ARHGEF12: variants seen among roughly 807,000 people sequenced by gnomAD.
The protein encoded by ARHGEF12 is Rho guanine nucleotide exchange factor 12, also known as KMT2A/ARHGEF12 fusion protein.
ARHGEF12 carries 66 observed loss-of-function variants against 211.2 expected under a neutral mutation model. The ratio of observed to expected loss-of-function variants is 0.31; its 90% CI spans 0.26 to 0.38. ARHGEF12 has a LOEUF of 0.38. ARHGEF12 is among the 10% of genes least tolerant of loss of function. The probability of loss-of-function intolerance (pLI) is 1.00; values close to 1 mark genes in which losing one functional copy is unlikely to be tolerated. For synonymous variants in ARHGEF12, 592 were observed against 638.4 expected (o/e 0.93, Z 1.09); for missense variants, 1,429 against 1,869.5 (o/e 0.76, Z 4.34).
intron 30 of ARHGEF12, among the ~76,000 whole-genome samples, chr11:120,471,720 A>G (rs772597302): frequency 5.3e-5 from 8 of 152,208 alleles, no homozygotes; most frequent in Non-Finnish European, 8.8e-5. Context: ...GGACTGATGG[A>G]TAGAGGGATG....
chr11:120,375,002 A>G (rs1461703029), intron 1 of ARHGEF12, among the ~76,000 whole-genome samples: 4 of 152,190 alleles, frequency 2.6e-5, no homozygotes, highest in African/African-American at 7.2e-5. Context: ...AATGAACGAG[A>G]TTGGTATTTT....
At chr11:120,417,711 C>G (rs551424189) in intron 4 of ARHGEF12, among the ~76,000 whole-genome samples, 1 of 152,086 alleles carries the variant, frequency 6.6e-6, no homozygotes, top group South Asian at 2.1e-4. Context: ...TCAGGCTGGT[C>G]TCACTCCTGA....
chr11:120,474,625 T>A lies in ARHGEF12; in HGVS notation c.3099T>A (p.Asp1033Glu). 6.3e-7 allele frequency: 1 copy of A among 1,579,022 alleles called. No individual in the cohort carries two copies. Among genetic ancestry groups the A allele is most frequent in the Non-Finnish European group, 8.7e-7 (1 of 1,150,064 alleles). The change falls in exon 32 of 41, where the codon GAT (aspartate) becomes GAA (glutamate). Residue 1033 changes from aspartate to glutamate, a missense_variant. By Grantham distance (45) the Asp-to-Glu change is conservative. Coordinates refer to ENST00000397843, the MANE Select transcript of ARHGEF12 (RefSeq NM_015313.3). The part of the protein sequence containing the change: ...EGPLVWKVNR[D>E]KTIDLYTLLL... ...CATTGGTTTGGAAGGTGAATAGAGA[T>A]AAAACTATTGGTAGGTCTGATATTG... is the stretch of plus-strand genomic sequence containing the variant.
In ARHGEF12 at chr11:120,453,016, AAC is replaced by A. The variant is rs1177340968; in HGVS notation, c.2056+1294_2056+1295del. The stretch of plus-strand genomic sequence containing the variant: ...CTCCATCTCAAAAAACAAAAACAAA[AAC>A]AAAAAAAAACGACAAGATAATGGTC... On this transcript the variant is annotated intron_variant, in intron 22 of 40. Coordinates refer to ENST00000397843, the MANE Select transcript of ARHGEF12 (RefSeq NM_015313.3). Among the ~76,000 whole-genome samples, 131 of 142,310 alleles carry A rather than the reference AAC, an allele frequency of 9.2e-4. 1 individual carries two copies. The highest frequency in any genetic ancestry group is 2.4e-3 in the African/African-American group (96 of 39,308). 93.4% of individuals were successfully genotyped at this position (142,310 alleles called of 152,430 possible).
chr11:120,483,085 A>G (rs1947296755), intron 39 of ARHGEF12, among the ~76,000 whole-genome samples: 1 of 152,168 alleles, frequency 6.6e-6, no homozygotes, highest in Non-Finnish European at 1.5e-5. Context: ...TGAACTTCAC[A>G]GAGTGTACTT....
Position 120,443,346 on chromosome 11 carries a change from C to T in ARHGEF12, c.1302+1144C>T, listed in dbSNP as rs1945941647. On this transcript the variant is annotated intron_variant, in intron 15 of 40. Transcript: ENST00000397843. ...TGATTGTCCATCTTTTATCCAAGGC[C>T]AGCTCTGCTCCAGTTTACAGTGTAT... Among the ~76,000 whole-genome samples, 5 of 152,238 alleles carry T rather than the reference C, an allele frequency of 3.3e-5. No individual in the cohort carries two copies. The South Asian group carries it at 1.0e-3, about 32-fold the overall frequency.
intron 1 of ARHGEF12, among the ~76,000 whole-genome samples, chr11:120,368,314 A>G (rs1673399031): frequency 6.6e-6 from 1 of 152,102 alleles, no homozygotes; most frequent in Admixed American, 6.5e-5. Context: ...CTAATTTTTT[A>G]ATTCGTTTAT....
intron 30 of ARHGEF12, among the ~76,000 whole-genome samples, chr11:120,469,777 G>T (rs1946813323): frequency 6.6e-6 from 1 of 152,200 alleles, no homozygotes; most frequent in Admixed American, 6.5e-5. Flanking sequence ...TGTATCAGTT[G>T]TGATAGCTAC....
At chr11:120,371,009 T>C (rs938380831) in intron 1 of ARHGEF12, among the ~76,000 whole-genome samples, 1 of 152,206 alleles carries the variant, frequency 6.6e-6, no homozygotes, top group Admixed American at 6.5e-5. Context: ...AAGTCAACTT[T>C]TCTGAGCCTA....
At chr11:120,432,877 C>T (rs1945590968) in intron 11 of ARHGEF12, among the ~76,000 whole-genome samples, 1 of 152,066 alleles carries the variant, frequency 6.6e-6, no homozygotes, top group Non-Finnish European at 1.5e-5. Flanking sequence ...GACCCAGTTC[C>T]TCATGCAAAA....
In ARHGEF12 at chr11:120,428,575, G is replaced by C. The variant is rs555174430; in HGVS notation, c.585+328G>C. Among the ~76,000 whole-genome samples, 79 of 152,170 alleles carry C rather than the reference G, an allele frequency of 5.2e-4. 2 individuals carry two copies. The South Asian group carries it at 0.015, about 29-fold the overall frequency. ...TTTTGTTTATTTTGTTTACTGTTAC[G>C]TTTCCAGTACCTGAAATATTGCTTA... On this transcript the variant is annotated intron_variant, in intron 8 of 40. Coordinates refer to ENST00000397843, the MANE Select transcript of ARHGEF12 (RefSeq NM_015313.3).
chr11:120,337,774 G>A lies in ARHGEF12; in HGVS notation c.32+499G>A, dbSNP rs942155344. On this transcript the variant is annotated intron_variant, in intron 1 of 40. Coordinates refer to ENST00000397843, the MANE Select transcript of ARHGEF12 (RefSeq NM_015313.3). ...TCTTTCAGATGTTGACCTGCACGGT[G>A]TTTAATTATTATCTAATAACTTTCC... The A allele has an allele frequency of 5.1e-6, 5 of 985,282 alleles. No individual in the cohort carries two copies. The African/African-American group carries it at 8.7e-5, about 17-fold the overall frequency. 61.0% of individuals were successfully genotyped at this position (985,282 alleles called of 1,614,324 possible).
chr11:120,379,177 GTT>G (rs898036938), intron 1 of ARHGEF12, among the ~76,000 whole-genome samples: 4 of 151,958 alleles, frequency 2.6e-5, no homozygotes, highest in African/African-American at 9.7e-5. Context: ...GGTTTGTTAA[GTT>G]TATGTGTTTT....
intron 1 of ARHGEF12, among the ~76,000 whole-genome samples, chr11:120,375,890 T>TACTG (rs747683833): frequency 1.1e-4 from 17 of 152,156 alleles, no homozygotes; most frequent in Non-Finnish European, 2.5e-4. Flanking sequence ...TTCAAATGAG[T>TACTG]ACTGGTCAGG....
Position 120,337,173 on chromosome 11 carries a change from T to C in ARHGEF12, c.-71T>C. On this transcript the variant is annotated 5_prime_UTR_variant, in exon 1 of 41. Transcript: ENST00000397843. ...GGAGTTGGGCCTGATCCCAGAGCAC[T>C]GGGGGTGGGGAGGAGGTGTTACTGT... 1.3e-6 allele frequency: 2 copies of C among 1,590,768 alleles called. No homozygotes were observed. Among genetic ancestry groups the C allele is most frequent in the Non-Finnish European group, 8.6e-7 (1 of 1,158,952 alleles).
intron 4 of ARHGEF12, among the ~76,000 whole-genome samples, chr11:120,413,635 G>T (rs1944947507): frequency 6.6e-6 from 1 of 152,116 alleles, no homozygotes; most frequent in Admixed American, 6.5e-5. Context: ...CTTCTTGCTG[G>T]CAAGACTGTG....
chr11:120,479,290 A>G (rs1007843904), intron 37 of ARHGEF12, among the ~76,000 whole-genome samples: 7 of 152,208 alleles, frequency 4.6e-5, no homozygotes, highest in Non-Finnish European at 1.0e-4. Context: ...CATGACAGAC[A>G]TTAAGCTAGT....
At chr11:120,481,820 C>T (rs1309754344) in intron 39 of ARHGEF12, among the ~76,000 whole-genome samples, 3 of 147,612 alleles carry the variant, frequency 2.0e-5, no homozygotes, top group South Asian at 2.1e-4. Context: ...AGTGCAGTGG[C>T]GTGATCTCAG....
intron 1 of ARHGEF12, among the ~76,000 whole-genome samples, chr11:120,373,973 A>G (rs1943658212): frequency 6.6e-6 from 1 of 151,992 alleles, no homozygotes; most frequent in Non-Finnish European, 1.5e-5. Context: ...ACGCCCGGCT[A>G]ATTTTGTATT....
Sources: allele counts gnomAD v4.1 joint callset (sites outside exome capture counted in the v4.1 genomes callset), GRCh38; gene constraint gnomAD v4.1.1; transcripts MANE v1.5; gene names NCBI Gene and HGNC (gene_info 2026-07-23, HGNC 2026-07-21).